SLC44A4: variants seen among roughly 807,000 people sequenced by gnomAD.
SLC44A4 encodes solute carrier family 44 member 4.
In SLC44A4, 74 loss-of-function variants were observed where a neutral mutation model predicts 97.0. The ratio of observed to expected loss-of-function variants is 0.76; its 90% CI spans 0.63 to 0.93. SLC44A4 has a LOEUF of 0.93. SLC44A4 is among the 40% of genes least tolerant of loss of function. The probability of loss-of-function intolerance (pLI) is 0.00; values close to 1 mark genes in which losing one functional copy is unlikely to be tolerated. For synonymous variants in SLC44A4, 325 were observed against 363.8 expected, an observed-to-expected ratio of 0.89 and a Z score of 1.21; for missense variants, 799 against 902.9, an observed-to-expected ratio of 0.88 and a Z score of 1.48.
In SLC44A4 at chr6:31,863,689, G is replaced by C; in HGVS notation, c.2071C>G (p.Leu691Val). The C allele has an allele frequency of 6.2e-7, 1 of 1,612,378 alleles. No homozygotes were observed. The highest frequency in any genetic ancestry group is 8.5e-7 in the Non-Finnish European group (1 of 1,179,818). The change falls in exon 21 of 21, where the codon CTT becomes GTT. Residue 691 changes from leucine to valine, a missense_variant. Around this residue, in one of 3 missense-constraint regions of SLC44A4, gnomAD observed 379 missense variants for 438.3 expected, o/e 0.86. Transcript: ENST00000229729. Reference sequence around the variant, plus strand: ...TTCTTCTTGCCCAGAATCTTTAGAAGGCTCTTGGACATGTAGTAGGGCCGG... The same window carrying C: ...TTCTTCTTGCCCAGAATCTTTAGAACGCTCTTGGACATGTAGTAGGGCCGG... The part of the protein sequence containing the change: ...LDRPYYMSKS[L>V]LKILGKKNEA...
chr6:31,864,621 T>C (rs1581831005), intron 20 of SLC44A4, 31 bp downstream of exon 20: 5 of 1,591,082 alleles, frequency 3.1e-6, no homozygotes, highest in Non-Finnish European at 4.3e-6. Context: ...TACTTTAAGG[T>C]TGGGGACAGG....
rs201689147 is a variant in SLC44A4 at position 31,865,873 on chromosome 6, C to T, written c.1487G>A (p.Arg496His). 441 of 1,614,022 alleles carry T rather than the reference C, an allele frequency of 2.7e-4. 2 individuals carry two copies. The highest frequency in any genetic ancestry group is 5.3e-4 in the South Asian group (48 of 91,092). Residue 496 changes from arginine (R) to histidine (H), a missense_variant and splice_region_variant, in exon 14 of 21, where the codon CGT becomes CAT. Physicochemically the swap from Arg to His is conservative, Grantham distance 29 (BLOSUM62 0). Around this residue, in one of 3 missense-constraint regions of SLC44A4, gnomAD observed 379 missense variants for 438.3 expected, o/e 0.86. Coordinates refer to ENST00000229729, the MANE Select transcript of SLC44A4 (RefSeq NM_025257.3). The surrounding 1 kb of genome is among the most constrained non-coding windows in gnomAD (Gnocchi z 5.2). ...GACCAGGCCCCTGCCCCATCCTTACCGGAGTGTGCGGATGAAGGCAGAGAT... is the reference window on the plus strand; with the variant it reads ...GACCAGGCCCCTGCCCCATCCTTACTGGAGTGTGCGGATGAAGGCAGAGAT... ...PLISAFIRTL[R>H]YHTGSLAFGA...
Position 31,877,165 on chromosome 6 carries a change from T to G in SLC44A4, c.41-83A>C. ...CTGAGTCCTCCTAGCCCCAGGATCC[T>G]ACCCAGGCCTCAGGTGTTTGGAGGG... On this transcript the variant is annotated intron_variant, in intron 1 of 20. Coordinates refer to ENST00000229729, the MANE Select transcript of SLC44A4 (RefSeq NM_025257.3). The surrounding 1 kb of genome is among the most constrained non-coding windows in gnomAD (Gnocchi z 6.5). 7.7e-5 allele frequency: 105 copies of G among 1,360,964 alleles called. No individual in the cohort carries two copies. Among genetic ancestry groups the G allele is most frequent in the Non-Finnish European group, 1.0e-4 (98 of 974,460 alleles). The allele number at this position is 1,360,964 out of a possible 1,614,324, so 84.3% of individuals were successfully genotyped here.
intron 4 of SLC44A4, 48 bp from the exon 5 acceptor site, chr6:31,875,076 G>A: frequency 6.8e-7 from 1 of 1,466,790 alleles, no homozygotes; most frequent in Non-Finnish European, 9.5e-7. Context: ...TCAGGTGTTG[G>A]GGGAGGGGAG....
intron 11 of SLC44A4, among the ~76,000 whole-genome samples, chr6:31,869,984 CAAAA>C (rs35993960): frequency 1.4e-5 from 2 of 142,606 alleles, no homozygotes; most frequent in South Asian, 4.5e-4. Flanking sequence ...GACTCCGTCT[CAAAA>C]AAAAAAAAAG....
chr6:31,872,989 A>G (rs504653), intron 7 of SLC44A4, among the ~76,000 whole-genome samples: 63,308 of 151,880 alleles, frequency 0.42, 13,527 homozygotes, highest in Middle Eastern at 0.55. Flanking sequence ...CAATTCTCCT[A>G]CTTCAGCCTC....
Position 31,863,692 on chromosome 6 carries a change from T to G in SLC44A4, c.2068A>C (p.Ser690Arg). The change falls in exon 21 of 21, where the codon AGC (serine) becomes CGC (arginine). Residue 690 changes from serine to arginine, a missense_variant. By Grantham distance (110) the Ser-to-Arg change is moderately radical. Coordinates refer to ENST00000229729, the MANE Select transcript of SLC44A4 (RefSeq NM_025257.3). Reference sequence around the variant, plus strand: ...TTCTTGCCCAGAATCTTTAGAAGGCTCTTGGACATGTAGTAGGGCCGGTCC... The same window carrying G: ...TTCTTGCCCAGAATCTTTAGAAGGCGCTTGGACATGTAGTAGGGCCGGTCC... Reference protein sequence around the residue: ...SLDRPYYMSKSLLKILGKKNE... With the variant: ...SLDRPYYMSKRLLKILGKKNE... 1 of 1,612,430 alleles carries G rather than the reference T, an allele frequency of 6.2e-7. No individual in the cohort carries two copies. The highest frequency in any genetic ancestry group is 8.5e-7 in the Non-Finnish European group (1 of 1,179,742).
At position 31,865,083 on chromosome 6, in the gene SLC44A4, G is replaced by A. The variant is rs768852651; in HGVS notation, c.1761-3C>T. The A allele has an allele frequency of 1.2e-6, 2 of 1,613,270 alleles. No individual in the cohort carries two copies. The highest frequency in any genetic ancestry group is 1.7e-6 in the Non-Finnish European group (2 of 1,180,054). ...TGACTTTGTCCAGGACGACCACCCT[G>A]TGCCAGAAGTTAGGGCAGGTTGAGG... is the stretch of plus-strand genomic sequence containing the variant. On this transcript the variant is annotated splice_region_variant and splice_polypyrimidine_tract_variant and intron_variant, in intron 17 of 20. Coordinates refer to ENST00000229729, the MANE Select transcript of SLC44A4 (RefSeq NM_025257.3). The surrounding 1 kb of genome is among the most constrained non-coding windows in gnomAD (Gnocchi z 5.2).
At position 31,876,647 on chromosome 6, in the gene SLC44A4, G is replaced by T. The variant is rs1279733654; in HGVS notation, c.89+387C>A. ...CCAGCTACTCGGAAGGCTAGGGCAG[G>T]AGGATCACTTGAGCACAGGAGTTCG... On this transcript the variant is annotated intron_variant, in intron 2 of 20. Coordinates refer to ENST00000229729, the MANE Select transcript of SLC44A4 (RefSeq NM_025257.3). The surrounding 1 kb of genome is among the most constrained non-coding windows in gnomAD (Gnocchi z 4.8). Among the ~76,000 whole-genome samples, 1 of 152,144 alleles carries T rather than the reference G, an allele frequency of 6.6e-6. No individual in the cohort carries two copies. Among genetic ancestry groups the T allele is most frequent in the Non-Finnish European group, 1.5e-5 (1 of 68,016 alleles).
intron 13 of SLC44A4, among the ~76,000 whole-genome samples, 192 bp downstream of exon 13, chr6:31,868,963 A>T (rs1762999948): frequency 6.6e-6 from 1 of 152,054 alleles, no homozygotes; most frequent in Non-Finnish European, 1.5e-5. Context: ...TCCCCACATG[A>T]TGGATGGCTC....
At chr6:31,871,985 C>A (rs1379784374) in intron 7 of SLC44A4, among the ~76,000 whole-genome samples, 1 of 152,130 alleles carries the variant, frequency 6.6e-6, no homozygotes, top group Non-Finnish European at 1.5e-5. Context: ...CTGTGCAAAT[C>A]CAGCCCATGT....
chr6:31,876,104 C>T lies in SLC44A4; in HGVS notation c.115G>A (p.Val39Ile), dbSNP rs114426451. 36 of 1,613,718 alleles carry T rather than the reference C, an allele frequency of 2.2e-5. No homozygotes were observed. Among genetic ancestry groups the T allele is most frequent in the Admixed American group, 5.0e-5 (3 of 59,960 alleles). ...CCTAGAATGAAGAGCAGGAAGAGGA[C>T]GCAGCAGATGACATCTGTGCAGCTT... ...NRSCTDVICC[V>I]LFLLFILGYI... Residue 39 changes from valine (V) to isoleucine (I), a missense_variant, in exon 3 of 21, where the codon GTC becomes ATC. Coordinates refer to ENST00000229729, the MANE Select transcript of SLC44A4 (RefSeq NM_025257.3). This position sits in a 1 kb window ranked among gnomAD's most constrained non-coding sequence, Gnocchi z 4.8.
rs1449300939 is a variant in SLC44A4, at chr6:31,870,990, C to T, written c.759G>A (p.Val253=). The T allele has an allele frequency of 1.2e-6, 2 of 1,612,810 alleles. No individual in the cohort carries two copies. Among genetic ancestry groups the T allele is most frequent in the Middle Eastern group, 1.6e-4 (1 of 6,062 alleles). The part of the protein sequence containing the change: ...SLLFILLLRL[V]AGPLVLVLIL... Reference sequence around the variant, plus strand: ...TCAGCACCAGCACCAGGGGCCCAGCCACCAGGCGCAGAAGCAAGATAAACA... The same window carrying T: ...TCAGCACCAGCACCAGGGGCCCAGCTACCAGGCGCAGAAGCAAGATAAACA... The change falls in exon 10 of 21, where the codon GTG becomes GTA. Residue 253 remains valine, a synonymous_variant. Coordinates refer to ENST00000229729, the MANE Select transcript of SLC44A4 (RefSeq NM_025257.3).
In SLC44A4 at chr6:31,874,660, C is replaced by G; in HGVS notation, c.468+61G>C. ...GGTGATGATCTACCCAACTCCCCCT[C>G]CCTCTCGTGCCCACCCTGGCCCTTC... On this transcript the variant is annotated intron_variant, in intron 6 of 20. Transcript: ENST00000229729. The surrounding 1 kb of genome is among the most constrained non-coding windows in gnomAD (Gnocchi z 4.8). 1 of 1,566,230 alleles carries G rather than the reference C, an allele frequency of 6.4e-7. No individual in the cohort carries two copies. The highest frequency in any genetic ancestry group is 8.6e-7 in the Non-Finnish European group (1 of 1,156,648).
At position 31,878,822 on chromosome 6, in the gene SLC44A4, C is replaced by A; in HGVS notation, c.40+119G>T. 8.0e-7 allele frequency: 1 copy of A among 1,247,926 alleles called. No homozygotes were observed. The highest frequency in any genetic ancestry group is 1.2e-6 in the Non-Finnish European group (1 of 856,404). 77.3% of individuals were successfully genotyped at this position (1,247,926 alleles called of 1,614,324 possible). A position where few individuals can be genotyped will look rare whatever the true frequency, so the allele number is the denominator to read the frequency against. On this transcript the variant is annotated intron_variant, in intron 1 of 20. Coordinates refer to ENST00000229729, the MANE Select transcript of SLC44A4 (RefSeq NM_025257.3). This position sits in a 1 kb window ranked among gnomAD's most constrained non-coding sequence, Gnocchi z 4.0. The stretch of plus-strand genomic sequence containing the variant: ...CCATGGCTCCCGGTTCCCGGGCCCT[C>A]CCCTCAGGGACACAGTACTCTCCTT...
intron 4 of SLC44A4, 60 bp from the exon 5 acceptor site, chr6:31,875,088 G>A (rs1363494810): frequency 8.6e-6 from 11 of 1,275,704 alleles, no homozygotes; most frequent in Non-Finnish European, 1.2e-5. Context: ...GGAGGGGAGG[G>A]ACCACTAGGG....
chr6:31,866,189 C>A (rs1393651194), intron 13 of SLC44A4, 63 bp from the exon 14 acceptor site: 18 of 1,570,736 alleles, frequency 1.1e-5, no homozygotes, highest in Non-Finnish European at 1.5e-5. Context: ...GGAGCCTGGG[C>A]GTCCCATTCC....
Position 31,878,798 on chromosome 6 carries a change from C to A in SLC44A4, c.40+143G>T. 2 of 1,017,460 alleles carry A rather than the reference C, an allele frequency of 2.0e-6. No individual in the cohort carries two copies. Among genetic ancestry groups the A allele is most frequent in the Non-Finnish European group, 3.0e-6 (2 of 657,056 alleles). 63.0% of individuals were successfully genotyped at this position (1,017,460 alleles called of 1,614,324 possible). A position where few individuals can be genotyped will look rare whatever the true frequency, so the allele number is the denominator to read the frequency against. On this transcript the variant is annotated intron_variant, in intron 1 of 20. Transcript: ENST00000229729. This position sits in a 1 kb window ranked among gnomAD's most constrained non-coding sequence, Gnocchi z 4.0. Reference sequence around the variant, plus strand: ...TCCCAGGACCCTGACTCCCTCCCTCCATGGCTCCCGGTTCCCGGGCCCTCC... The same window carrying A: ...TCCCAGGACCCTGACTCCCTCCCTCAATGGCTCCCGGTTCCCGGGCCCTCC...
intron 13 of SLC44A4, among the ~76,000 whole-genome samples, 178 bp downstream of exon 13, chr6:31,868,977 A>C (rs575525462): frequency 6.6e-6 from 1 of 152,260 alleles, no homozygotes; most frequent in East Asian, 1.9e-4. Flanking sequence ...ATGGCTCAAC[A>C]GGAGTACCAG....
Sources: allele counts gnomAD v4.1 joint callset (sites outside exome capture counted in the v4.1 genomes callset), GRCh38; gene constraint gnomAD v4.1.1; regional missense constraint gnomAD v4.1.1; non-coding constraint Gnocchi (gnomAD v3.1); transcripts MANE v1.5; gene names NCBI Gene and HGNC (gene_info 2026-07-23, HGNC 2026-07-21).